Variants in MCF2 observed in about 807,000 individuals in gnomAD.
MCF2 encodes the protein MCF.2 cell line derived transforming sequence, also known as proto-oncogene DBL.
A neutral mutation model predicts 82.5 loss-of-function variants in MCF2; 44 were observed. That is an observed-to-expected ratio of 0.53 (90% CI 0.42 to 0.69). The LOEUF (loss-of-function observed/expected upper bound fraction) is 0.69, where lower values mean the gene tolerates loss of function less well. Ranked by LOEUF, MCF2 falls within the 30% of genes least tolerant of loss-of-function variation. The probability of loss-of-function intolerance (pLI) is 0.00; values close to 1 mark genes in which losing one functional copy is unlikely to be tolerated. For synonymous variants in MCF2, 217 were observed against 224.9 expected, an observed-to-expected ratio of 0.96 and a Z score of 0.32; for missense variants, 623 against 663.1, an observed-to-expected ratio of 0.94 and a Z score of 0.66.
At chrX:139,673,404 T>C (rs1290255119) in intron 1 of MCF2, among the ~76,000 whole-genome samples, 2 of 111,974 alleles carry the variant, frequency 1.8e-5, no homozygotes, top group African/African-American at 3.3e-5. Flanking sequence ...TTAATTGTGA[T>C]GTTAGGCTGT....
Position 139,605,751 on chromosome X carries a change from C to A in MCF2, c.1519G>T (p.Glu507Ter). The A allele has an allele frequency of 8.3e-7, 1 of 1,198,295 alleles. No homozygotes were observed. The highest frequency in any genetic ancestry group is 1.8e-5 in the South Asian group (1 of 54,611). ...TACAGTTCTCGAACATAAACTCTCT[C>A]AGTCTGTATCAGTTCATTTAGTACG... The change falls in exon 13 of 25, where the codon GAG (glutamate) becomes TAG (stop). Residue 507 changes from glutamate (E) to a stop codon, truncating the protein, a stop_gained. Coordinates refer to ENST00000370576, the Ensembl canonical transcript of MCF2. LOFTEE classifies it high-confidence loss of function.
At chrX:139,666,216 T>C (rs1374664994) in intron 1 of MCF2, among the ~76,000 whole-genome samples, 1 of 108,326 alleles carries the variant, frequency 9.2e-6, no homozygotes, top group Non-Finnish European at 1.9e-5. Flanking sequence ...ATTCTTTTTT[T>C]TTTTTGTACA....
intron 1 of MCF2, chrX:139,642,454 G>A (rs1438821976): frequency 5.0e-6 from 6 of 1,211,571 alleles, no homozygotes; most frequent in Admixed American, 2.2e-5. Context: ...CAGGAGTGCA[G>A]ACAGAGCCCT....
intron 13 of MCF2, among the ~76,000 whole-genome samples, chrX:139,605,325 A>C (rs780931926): frequency 9.0e-6 from 1 of 111,318 alleles, no homozygotes; most frequent in Non-Finnish European, 1.9e-5. Context: ...GCTTCTCCTT[A>C]AATTGGCAAT....
rs191057130 is a variant in MCF2 at position 139,620,050 on chromosome X, A to G, written c.688-344T>C. On this transcript the variant is annotated intron_variant, in intron 6 of 24. Coordinates refer to ENST00000370576, the Ensembl canonical transcript of MCF2. ...GTGTATATATATATAGCAAATATCT[A>G]AAACAAAATCTTACCTGAGAATTTT... Among the ~76,000 whole-genome samples the G allele has an allele frequency of 3.8e-3, 396 of 104,491 alleles. 5 individuals carry two copies. The highest frequency in any genetic ancestry group is 0.012 in the African/African-American group (349 of 29,070). 90.7% of individuals were successfully genotyped at this position (104,491 alleles called of 115,157 possible).
intron 1 of MCF2, among the ~76,000 whole-genome samples, chrX:139,677,496 G>A (rs1347422506): frequency 8.9e-6 from 1 of 111,987 alleles, no homozygotes; most frequent in Non-Finnish European, 1.9e-5. Context: ...GGCAAGAATT[G>A]AGGTTGCTGC....
rs909634961 is a variant in MCF2, at chrX:139,603,728, G to A, written c.1743+953C>T. On this transcript the variant is annotated intron_variant, in intron 15 of 24. Transcript: ENST00000370576. ...TGGGCACCTGTAGTCCCAGCTACTC[G>A]GGAGGCTGAGGCAGGAGAATGGTGT... 1.5e-3 allele frequency among the ~76,000 whole-genome samples: 164 copies of A among 110,984 alleles called. 1 individual carries two copies. The highest frequency in any genetic ancestry group is 5.1e-3 in the African/African-American group (155 of 30,488).
At chrX:139,617,846 G>T in intron 7 of MCF2, 142 bp from the exon 11 acceptor site, 1 of 282,464 alleles carries the variant, frequency 3.5e-6, no homozygotes, top group Non-Finnish European at 6.0e-6. Flanking sequence ...ACTTCTTCAG[G>T]CTGCAAAAAA....
rs771151327 is a variant in MCF2, at chrX:139,622,430, C to T, written c.688-2724G>A. ...CTGCTGCTATAAAGACATATGCACA[C>T]GTATGTTTATTGTGGCACTATTCAC... On this transcript the variant is annotated intron_variant, in intron 6 of 24. Coordinates refer to ENST00000370576, the Ensembl canonical transcript of MCF2. Among the ~76,000 whole-genome samples the T allele has an allele frequency of 1.7e-3, 193 of 111,587 alleles. 1 individual carries two copies. The highest frequency in any genetic ancestry group is 6.0e-3 in the African/African-American group (184 of 30,710).
At chrX:139,634,707 C>A (rs1329827183) in intron 1 of MCF2, among the ~76,000 whole-genome samples, 2 of 111,748 alleles carry the variant, frequency 1.8e-5, no homozygotes, top group African/African-American at 6.5e-5. Context: ...GAAACGACTC[C>A]CCCTTCTATT....
At chrX:139,589,524 A>T (rs1174180846) in intron 20 of MCF2, among the ~76,000 whole-genome samples, 1 of 111,362 alleles carries the variant, frequency 9.0e-6, no homozygotes, top group African/African-American at 3.3e-5. Flanking sequence ...GGAACTCAGA[A>T]CTATTATAAT....
At chrX:139,667,273 A>C (rs1220065832) in intron 1 of MCF2, among the ~76,000 whole-genome samples, 1 of 93,580 alleles carries the variant, frequency 1.1e-5, no homozygotes, top group Non-Finnish European at 2.1e-5. Flanking sequence ...TGCTTGGCTT[A>C]TTTTATTTTA....
chrX:139,596,483 A>C, intron 19 of MCF2, 66 bp downstream of exon 23: 5 of 894,653 alleles, frequency 5.6e-6, no homozygotes, highest in Non-Finnish European at 6.4e-6. Context: ...AAACAAAAAA[A>C]ATGTACAAAC....
chrX:139,662,019 T>A (rs1934369063), intron 1 of MCF2, among the ~76,000 whole-genome samples: 1 of 111,496 alleles, frequency 9.0e-6, no homozygotes, highest in African/African-American at 3.3e-5. Flanking sequence ...GATGTGATCT[T>A]GTACATAAAA....
chrX:139,669,516 C>T (rs1429461780), intron 1 of MCF2, among the ~76,000 whole-genome samples: 1 of 112,228 alleles, frequency 8.9e-6, no homozygotes, highest in East Asian at 2.8e-4. Context: ...CATAGATTTA[C>T]CACATGTCCC....
chrX:139,620,475 A>C (rs763616722), intron 6 of MCF2, among the ~76,000 whole-genome samples: 5 of 111,242 alleles, frequency 4.5e-5, no homozygotes, highest in African/African-American at 6.5e-5. Context: ...ACTAAAGACT[A>C]CCAAAAGGCT....
chrX:139,705,182 G>A (rs375078663), intron 1 of MCF2, among the ~76,000 whole-genome samples: 2 of 111,378 alleles, frequency 1.8e-5, no homozygotes, highest in South Asian at 3.8e-4. Flanking sequence ...GCGTGGTGGC[G>A]GGCACCTGTA....
chrX:139,658,885 T>C (rs1237984741), intron 1 of MCF2, among the ~76,000 whole-genome samples: 1 of 109,886 alleles, frequency 9.1e-6, no homozygotes, highest in Non-Finnish European at 1.9e-5. Flanking sequence ...TGTCTCCCTG[T>C]GTTGTCCAGG....
upstream of MCF2, among the ~76,000 whole-genome samples, chrX:139,644,817 T>C (rs1933743984): frequency 8.9e-6 from 1 of 112,131 alleles, no homozygotes; most frequent in African/African-American, 3.2e-5. Flanking sequence ...TATTCTAGTC[T>C]GATAGAGGAA....
Sources: allele counts gnomAD v4.1 joint callset (sites outside exome capture counted in the v4.1 genomes callset), GRCh38; gene constraint gnomAD v4.1.1; transcripts MANE v1.5; gene names NCBI Gene and HGNC (gene_info 2026-07-23, HGNC 2026-07-21).